AKAP19: variants seen among roughly 807,000 people sequenced by gnomAD.
AKAP19 encodes the protein A-kinase anchoring protein 19.
the AKAP19 span, among the ~76,000 whole-genome samples, chr2:189,954,502 T>C: frequency 3.9e-5 from 6 of 152,258 alleles, no homozygotes; most frequent in African/African-American, 1.4e-4. Context: ...ATTAATGGAA[T>C]GCTAAGCATG....
chr2:189,985,552 AG>A, the AKAP19 span, among the ~76,000 whole-genome samples: 3 of 152,182 alleles, frequency 2.0e-5, no homozygotes, highest in Non-Finnish European at 4.4e-5. Context: ...GTGGCCTCTA[AG>A]AGCTGAGAAT....
At chr2:189,902,835 C>T in the AKAP19 span, among the ~76,000 whole-genome samples, 3 of 150,642 alleles carry the variant, frequency 2.0e-5, no homozygotes, top group Admixed American at 2.0e-4. Context: ...GGAAGGTTAT[C>T]GGTTTCACTG....
the AKAP19 span, among the ~76,000 whole-genome samples, chr2:189,965,303 CA>C: frequency 6.6e-6 from 1 of 152,096 alleles, no homozygotes; most frequent in Non-Finnish European, 1.5e-5. Context: ...TCATTGATTA[CA>C]TATCTCCATA....
chr2:189,927,578 C>T, the AKAP19 span, among the ~76,000 whole-genome samples: 1 of 152,224 alleles, frequency 6.6e-6, no homozygotes, highest in East Asian at 1.9e-4. Context: ...CGTTTTACCA[C>T]ATTGCTTTAC....
the AKAP19 span, among the ~76,000 whole-genome samples, chr2:189,915,506 A>G: frequency 6.6e-6 from 1 of 152,118 alleles, no homozygotes; most frequent in African/African-American, 2.4e-5. Flanking sequence ...ATATTAAGTA[A>G]ATTGGCCAGG....
At chr2:189,980,213 T>C in the AKAP19 span, among the ~76,000 whole-genome samples, 19 of 152,176 alleles carry the variant, frequency 1.2e-4, no homozygotes, top group Non-Finnish European at 2.8e-4. Context: ...ATATACACCA[T>C]GGAATACCAC....
chr2:190,047,128 G>A, the AKAP19 span, among the ~76,000 whole-genome samples: 4 of 152,028 alleles, frequency 2.6e-5, no homozygotes, highest in Non-Finnish European at 4.4e-5. Context: ...ACATACAAGC[G>A]GTGTCCATCC....
chr2:190,160,635 A>C, the AKAP19 span, among the ~76,000 whole-genome samples: 1 of 152,118 alleles, frequency 6.6e-6, no homozygotes, highest in Non-Finnish European at 1.5e-5. Flanking sequence ...TTTGACCTAC[A>C]CTGATTCAGG....
chr2:189,880,013 C>T, the AKAP19 span, among the ~76,000 whole-genome samples: 1 of 152,086 alleles, frequency 6.6e-6, no homozygotes, highest in African/African-American at 2.4e-5. Flanking sequence ...TTTAACTTAT[C>T]GAAAAATGTT....
chr2:190,053,833 CATTT>C, the AKAP19 span, among the ~76,000 whole-genome samples: 1 of 151,930 alleles, frequency 6.6e-6, no homozygotes, highest in Non-Finnish European at 1.5e-5. Context: ...ATTGAAATGA[CATTT>C]ATATTAATTA....
At chr2:189,987,920 G>A in the AKAP19 span, among the ~76,000 whole-genome samples, 7 of 152,046 alleles carry the variant, frequency 4.6e-5, no homozygotes, top group Non-Finnish European at 1.0e-4. Context: ...TGGCTGTGCG[G>A]GAGACCAGAT....
At chr2:190,027,497 A>G in the AKAP19 span, among the ~76,000 whole-genome samples, 4 of 152,232 alleles carry the variant, frequency 2.6e-5, no homozygotes, top group South Asian at 2.1e-4. Flanking sequence ...TTAAAATTAA[A>G]TCATGTACAT....
At chr2:190,094,657 G>A in the AKAP19 span, among the ~76,000 whole-genome samples, 1 of 152,152 alleles carries the variant, frequency 6.6e-6, no homozygotes, top group Non-Finnish European at 1.5e-5. Context: ...TTTCCTGCCG[G>A]CAAAGTCTAT....
At chr2:189,914,948 A>T in the AKAP19 span, among the ~76,000 whole-genome samples, 1 of 152,136 alleles carries the variant, frequency 6.6e-6, no homozygotes, top group Non-Finnish European at 1.5e-5. Context: ...TTTGCCTGCC[A>T]TTGGCATCTA....
At chr2:190,124,116 G>C in the AKAP19 span, among the ~76,000 whole-genome samples, 120 of 152,268 alleles carry the variant, frequency 7.9e-4, 1 homozygote, top group African/African-American at 2.8e-3. Context: ...CCATGCTACT[G>C]GCATCTCAGG....
the AKAP19 span, among the ~76,000 whole-genome samples, chr2:190,040,537 C>T: frequency 2.0e-5 from 3 of 152,136 alleles, no homozygotes; most frequent in Admixed American, 6.6e-5. Context: ...TCCCACTTGT[C>T]AATTTTTGCT....
At chr2:190,168,691 A>G in the AKAP19 span, among the ~76,000 whole-genome samples, 1 of 152,224 alleles carries the variant, frequency 6.6e-6, no homozygotes, top group Non-Finnish European at 1.5e-5. Context: ...TCAAAGTTCC[A>G]TAGATCTCTA....
At chr2:190,188,203 C>G in the AKAP19 span, among the ~76,000 whole-genome samples, 1 of 152,144 alleles carries the variant, frequency 6.6e-6, no homozygotes, top group Non-Finnish European at 1.5e-5. Flanking sequence ...CACTTACATT[C>G]TATGGGCGCA....
At chr2:189,993,158 A>C in the AKAP19 span, among the ~76,000 whole-genome samples, 2 of 152,146 alleles carry the variant, frequency 1.3e-5, no homozygotes, top group Non-Finnish European at 2.9e-5. Context: ...TGGGTTTTTC[A>C]TAGATAGCTT....
Sources: gnomAD v4.1 joint callset for allele counts (sites outside exome capture counted in the v4.1 genomes callset) on GRCh38, gnomAD v4.1.1 for gene constraint, MANE v1.5 for transcripts, NCBI Gene and HGNC (gene_info 2026-07-23, HGNC 2026-07-21) for gene names.